OSBPL10: variants seen among roughly 807,000 people sequenced by gnomAD.
OSBPL10 encodes the protein oxysterol binding protein like 10.
Under a neutral mutation model 81.7 loss-of-function variants are expected in OSBPL10, and 49 were observed. That is an observed-to-expected ratio of 0.60 (90% confidence interval 0.48 to 0.76). OSBPL10 has a LOEUF of 0.76. Among genes scored for constraint, OSBPL10 ranks in the 30% least tolerant of loss-of-function variants. The pLI, the probability that OSBPL10 is intolerant of heterozygous loss-of-function variation, is 0.00. For missense variants in OSBPL10, 923 were observed against 987.8 expected (o/e 0.93, Z 0.88); for synonymous variants, 419 against 383.6 (o/e 1.09, Z -1.08).
chr3:31,737,166 T>C (rs527922935), intron 5 of OSBPL10, among the ~76,000 whole-genome samples: 12 of 152,226 alleles, frequency 7.9e-5, no homozygotes, highest in Admixed American at 7.9e-4. Flanking sequence ...ACCCTATGAA[T>C]TCCGAATATC....
At chr3:31,697,856 G>A (rs528405823) in intron 7 of OSBPL10, among the ~76,000 whole-genome samples, 31 of 151,846 alleles carry the variant, frequency 2.0e-4, no homozygotes, top group Middle Eastern at 3.4e-3. Flanking sequence ...TCCGCCTCCC[G>A]AGTTCAAGCG....
intron 2 of OSBPL10, among the ~76,000 whole-genome samples, chr3:32,007,788 C>A (rs1699218100): frequency 6.6e-6 from 1 of 151,980 alleles, no homozygotes; most frequent in Non-Finnish European, 1.5e-5. Context: ...CTCACTGCAA[C>A]CTCCATCTCC....
chr3:31,899,777 T>A (rs1696177789), intron 1 of OSBPL10, among the ~76,000 whole-genome samples: 1 of 152,022 alleles, frequency 6.6e-6, no homozygotes, highest in African/African-American at 2.4e-5. Context: ...AGTCAGGAGT[T>A]TAAGACCAGC....
At chr3:31,963,655 C>A (rs1360382265) in intron 1 of OSBPL10, among the ~76,000 whole-genome samples, 5 of 152,266 alleles carry the variant, frequency 3.3e-5, no homozygotes, top group African/African-American at 1.2e-4. Flanking sequence ...AGAAAATTCT[C>A]ATTAAAATTC....
chr3:31,889,439 C>G (rs566849829), intron 1 of OSBPL10, among the ~76,000 whole-genome samples: 32 of 152,182 alleles, frequency 2.1e-4, no homozygotes, highest in African/African-American at 7.0e-4. Flanking sequence ...AAAATGTGGT[C>G]TATATACACA....
intron 1 of OSBPL10, among the ~76,000 whole-genome samples, chr3:31,939,127 G>A (rs184024944): frequency 6.9e-6 from 1 of 145,710 alleles, no homozygotes; most frequent in East Asian, 2.1e-4. Flanking sequence ...AGTTTAATGT[G>A]CCAAGACTCT....
At chr3:31,682,251 G>A (rs1463991315) in intron 8 of OSBPL10, among the ~76,000 whole-genome samples, 3 of 152,186 alleles carry the variant, frequency 2.0e-5, no homozygotes, top group Admixed American at 6.5e-5. Context: ...AACGGCTGGA[G>A]CAGTCTTGCT....
rs145839416 is a variant in OSBPL10, at chr3:32,049,275, C to T, written n.186-2672G>A. On this transcript the variant is annotated intron_variant and non_coding_transcript_variant, in intron 1 of 3. Coordinates refer to the OSBPL10 transcript ENST00000479173. The stretch of plus-strand genomic sequence containing the variant: ...TTCTTTCTTGTGCGAGGTCCAAAAA[C>T]GCCCTCTTGGGGTCTGGATCAGGAG... Among the ~76,000 whole-genome samples, 611 of 152,246 alleles carry T rather than the reference C, an allele frequency of 4.0e-3. 6 individuals are homozygous for T. The highest frequency in any genetic ancestry group is 0.014 in the African/African-American group (584 of 41,554).
intron 3 of OSBPL10, among the ~76,000 whole-genome samples, chr3:31,854,185 C>G (rs1057276680): frequency 6.7e-6 from 1 of 149,470 alleles, no homozygotes; most frequent in African/African-American, 2.5e-5. Context: ...AGATAGCATA[C>G]AGAATGGTCT....
At chr3:31,788,869 A>C (rs1426412124) in intron 4 of OSBPL10, among the ~76,000 whole-genome samples, 1 of 152,236 alleles carries the variant, frequency 6.6e-6, no homozygotes, top group African/African-American at 2.4e-5. Context: ...TACAGAAGGC[A>C]TGAGGAAGAA....
chr3:31,955,934 C>G lies in OSBPL10; in HGVS notation c.281+24965G>C, dbSNP rs117738046. On this transcript the variant is annotated intron_variant, in intron 1 of 11. Coordinates refer to ENST00000396556, the MANE Select transcript of OSBPL10 (RefSeq NM_017784.5). ...GACAAGTGTATTTGATTCCTTGGAGCAGTTATAGCAGATGTTATGAAGTTT... is the reference window on the plus strand; with the variant it reads ...GACAAGTGTATTTGATTCCTTGGAGGAGTTATAGCAGATGTTATGAAGTTT... Among the ~76,000 whole-genome samples the G allele has an allele frequency of 1.3e-4, 19 of 151,952 alleles. No individual in the cohort carries two copies. The East Asian group carries it at 3.4e-3, about 27-fold the overall frequency.
chr3:31,997,027 T>C lies in OSBPL10; in HGVS notation n.298+49464A>G, dbSNP rs1473413602. ...ATGCAAAGGTGGGAGCCTTTATTTA[T>C]AGTTACCACACGTTTCTTGCAGCTG... On this transcript the variant is annotated intron_variant and non_coding_transcript_variant, in intron 2 of 3. Transcript: ENST00000479173. 3.3e-5 allele frequency among the ~76,000 whole-genome samples: 5 copies of C among 152,284 alleles called. No homozygotes were observed. The East Asian group carries it at 9.7e-4, about 29-fold the overall frequency.
Position 31,666,273 on chromosome 3 carries a change from G to A in OSBPL10, c.2097-2041C>T, listed in dbSNP as rs548065704. The stretch of plus-strand genomic sequence containing the variant: ...GAGTTTCTGCTCAGACCAAGCTCTG[G>A]GCCTTGTGAGCAGACTTACAGGTAT... On this transcript the variant is annotated intron_variant, in intron 10 of 11. Coordinates refer to ENST00000396556, the MANE Select transcript of OSBPL10 (RefSeq NM_017784.5). Among the ~76,000 whole-genome samples, 9 of 152,258 alleles carry A rather than the reference G, an allele frequency of 5.9e-5. No individual in the cohort carries two copies. The South Asian group carries it at 1.9e-3, about 32-fold the overall frequency.
intron 2 of OSBPL10, among the ~76,000 whole-genome samples, chr3:32,024,979 A>G (rs1024037331): frequency 4.6e-5 from 7 of 152,066 alleles, no homozygotes; most frequent in African/African-American, 1.7e-4. Flanking sequence ...TGCAACATGG[A>G]TGTCTTTTTT....
intron 4 of OSBPL10, among the ~76,000 whole-genome samples, chr3:31,776,712 T>G (rs754333155): frequency 7.9e-5 from 12 of 152,202 alleles, no homozygotes; most frequent in Non-Finnish European, 1.5e-4. Flanking sequence ...AATTCTATGA[T>G]TCCATTTACA....
chr3:31,898,597 TA>T (rs944795636), intron 1 of OSBPL10, among the ~76,000 whole-genome samples: 17 of 147,178 alleles, frequency 1.2e-4, no homozygotes, highest in Admixed American at 8.2e-4. Flanking sequence ...AAAAAAAATC[TA>T]AAAAAAAAGA....
chr3:31,719,605 C>T (rs1418021846), intron 6 of OSBPL10, among the ~76,000 whole-genome samples: 2 of 152,156 alleles, frequency 1.3e-5, no homozygotes, highest in African/African-American at 4.8e-5. Flanking sequence ...GCAACCCTCA[C>T]ACAATGCTGA....
chr3:31,693,183 A>C (rs1052011821), intron 7 of OSBPL10, among the ~76,000 whole-genome samples: 1 of 152,260 alleles, frequency 6.6e-6, no homozygotes, highest in East Asian at 1.9e-4. Context: ...CCTGAGGTCC[A>C]TATCTCTGCC....
intron 7 of OSBPL10, among the ~76,000 whole-genome samples, chr3:31,684,632 G>C (rs1378155320): frequency 6.6e-6 from 1 of 152,172 alleles, no homozygotes; most frequent in African/African-American, 2.4e-5. Flanking sequence ...GCACTGGGAG[G>C]CCTCGGTAGA....
Sources: gnomAD v4.1 joint callset for allele counts (sites outside exome capture counted in the v4.1 genomes callset) on GRCh38, gnomAD v4.1.1 for gene constraint, MANE v1.5 for transcripts, NCBI Gene and HGNC (gene_info 2026-07-23, HGNC 2026-07-21) for gene names.